Variants in PTPRT observed in about 807,000 individuals in gnomAD.
PTPRT encodes receptor-type tyrosine-protein phosphatase T.
A neutral mutation model predicts 176.8 loss-of-function variants in PTPRT; 56 were observed. That is an observed-to-expected ratio of 0.32 (90% confidence interval 0.26 to 0.40). The LOEUF (loss-of-function observed/expected upper bound fraction) is 0.40. Ranked by LOEUF, PTPRT falls within the 10% of genes least tolerant of loss-of-function variation. The probability of loss-of-function intolerance (pLI) is 1.00; values close to 1 mark genes in which losing one functional copy is unlikely to be tolerated. For missense variants in PTPRT, 1,540 were observed against 1,908.2 expected, an observed-to-expected ratio of 0.81 and a Z score of 3.60; for synonymous variants, 783 against 739.0, an observed-to-expected ratio of 1.06 and a Z score of -0.96.
intron 7 of PTPRT, among the ~76,000 whole-genome samples, chr20:42,513,222 G>A (rs925408270): frequency 2.0e-5 from 3 of 151,314 alleles, no homozygotes; most frequent in Non-Finnish European, 1.5e-5. Flanking sequence ...GTGTGTGTGT[G>A]TGTGTGTGTG....
chr20:42,962,431 T>C (rs140576573), intron 1 of PTPRT, among the ~76,000 whole-genome samples: 1 of 151,478 alleles, frequency 6.6e-6, no homozygotes, highest in Non-Finnish European at 1.5e-5. Context: ...GTTATAGGGA[T>C]GAAAAGAATA....
chr20:42,548,765 G>A (rs1285041662), intron 7 of PTPRT, among the ~76,000 whole-genome samples: 1 of 152,066 alleles, frequency 6.6e-6, no homozygotes, highest in Non-Finnish European at 1.5e-5. Flanking sequence ...AAATTTAATA[G>A]AAAACACAGG....
chr20:42,389,017 A>C (rs974555038), intron 9 of PTPRT, among the ~76,000 whole-genome samples: 1 of 151,920 alleles, frequency 6.6e-6, no homozygotes, highest in Admixed American at 6.6e-5. Context: ...TCAGCAAACT[A>C]TCGCAAGGAC....
intron 16 of PTPRT, among the ~76,000 whole-genome samples, chr20:42,194,938 T>G (rs1991145150): frequency 6.6e-6 from 1 of 151,952 alleles, no homozygotes; most frequent in Non-Finnish European, 1.5e-5. Flanking sequence ...TTCTCACTCA[T>G]AGGTGGAAAT....
intron 7 of PTPRT, among the ~76,000 whole-genome samples, chr20:42,567,585 G>A (rs538935896): frequency 6.6e-6 from 1 of 152,320 alleles, no homozygotes; most frequent in South Asian, 2.1e-4. Flanking sequence ...CCTTGAGTCA[G>A]AAGCCTTGTC....
At position 42,081,483 on chromosome 20, in the gene PTPRT, C is replaced by T. The variant is rs140697895; in HGVS notation, c.4272+399G>A. On this transcript the variant is annotated intron_variant, in intron 30 of 30. Transcript: ENST00000373187. The stretch of plus-strand genomic sequence containing the variant: ...CCACACACTCTCTTTATCACACTTT[C>T]CTCCATAGTACTCTCTACTATAAAT... 3.1e-3 allele frequency among the ~76,000 whole-genome samples: 475 copies of T among 152,326 alleles called. 5 individuals are homozygous for T. The highest frequency in any genetic ancestry group is 2.1e-3 in the Non-Finnish European group (144 of 68,034).
At chr20:42,792,517 T>A (rs1318499700) in intron 2 of PTPRT, among the ~76,000 whole-genome samples, 3 of 152,028 alleles carry the variant, frequency 2.0e-5, no homozygotes, top group African/African-American at 4.8e-5. Flanking sequence ...CTAGACAAAT[T>A]AAAGAGATGA....
At chr20:42,539,320 T>G (rs2072534795) in intron 7 of PTPRT, among the ~76,000 whole-genome samples, 1 of 152,044 alleles carries the variant, frequency 6.6e-6, no homozygotes, top group African/African-American at 2.4e-5. Context: ...TACCATGTGT[T>G]TCTGATCTTG....
chr20:42,064,049 A>G, the PTPRT span: 1 of 150,680 alleles, frequency 6.6e-6, no homozygotes, highest in Non-Finnish European at 1.5e-5. Context: ...TGATCAGGGG[A>G]TACTAGATAA....
chr20:42,974,935 C>G (rs932420625), intron 1 of PTPRT, among the ~76,000 whole-genome samples: 1 of 152,144 alleles, frequency 6.6e-6, no homozygotes, highest in African/African-American at 2.4e-5. Flanking sequence ...GCTGCATCAT[C>G]TCTATTTCCA....
intron 7 of PTPRT, among the ~76,000 whole-genome samples, chr20:42,589,718 G>C (rs151170645): frequency 5.9e-5 from 9 of 152,122 alleles, no homozygotes; most frequent in Non-Finnish European, 1.3e-4. Context: ...CTAGGCTCTG[G>C]GGGTAGGATG....
intron 13 of PTPRT, among the ~76,000 whole-genome samples, chr20:42,269,150 A>G (rs1170391361): frequency 2.6e-5 from 4 of 152,218 alleles, no homozygotes; most frequent in East Asian, 1.9e-4. Context: ...GTTCTCTGCC[A>G]TATCTCATCT....
intron 3 of PTPRT, among the ~76,000 whole-genome samples, chr20:42,785,374 C>T (rs2077273930): frequency 6.6e-6 from 1 of 152,186 alleles, no homozygotes; most frequent in Non-Finnish European, 1.5e-5. Context: ...AGCTCCGAAG[C>T]CCAGTAATTT....
At chr20:42,824,455 C>G (rs2077957163) in intron 2 of PTPRT, among the ~76,000 whole-genome samples, 1 of 151,834 alleles carries the variant, frequency 6.6e-6, no homozygotes, top group Non-Finnish European at 1.5e-5. Context: ...GAAAGAACAT[C>G]AATAGACCAT....
intron 1 of PTPRT, among the ~76,000 whole-genome samples, chr20:42,946,449 A>G (rs1348608206): frequency 6.6e-6 from 1 of 152,212 alleles, no homozygotes; most frequent in African/African-American, 2.4e-5. Context: ...CCCAAGAACT[A>G]ACCAACCCCA....
chr20:42,243,869 T>C (rs751608499), intron 14 of PTPRT, among the ~76,000 whole-genome samples: 3 of 152,324 alleles, frequency 2.0e-5, no homozygotes, highest in Non-Finnish European at 2.9e-5. Context: ...ATTAGGAATA[T>C]TAAAATCAGA....
intron 1 of PTPRT, among the ~76,000 whole-genome samples, chr20:43,041,127 C>T (rs1986588524): frequency 6.6e-6 from 1 of 152,262 alleles, no homozygotes; most frequent in South Asian, 2.1e-4. Context: ...AGACCGTCTC[C>T]AATCACTTAC....
At position 42,241,847 on chromosome 20, in the gene PTPRT, C is replaced by T. The variant is rs545957413; in HGVS notation, c.2313-5589G>A. ...GCTTTTTTCCCACCTCGATAAATCA[C>T]TCAAAATTATGCCACAGAATTTGGC... On this transcript the variant is annotated intron_variant, in intron 14 of 30. Coordinates refer to ENST00000373187, the MANE Select transcript of PTPRT (RefSeq NM_007050.6). 4.6e-5 allele frequency among the ~76,000 whole-genome samples: 7 copies of T among 152,162 alleles called. No homozygotes were observed. The East Asian group carries it at 9.7e-4, about 21-fold the overall frequency.
intron 26 of PTPRT, 68 bp from the exon 27 acceptor site, chr20:42,098,620 C>A: frequency 6.3e-7 from 1 of 1,590,574 alleles, no homozygotes; most frequent in Non-Finnish European, 8.6e-7. Flanking sequence ...GATGATGAGG[C>A]CTGGACTGAG....
Sources: gnomAD v4.1 joint callset for allele counts (sites outside exome capture counted in the v4.1 genomes callset) on GRCh38, gnomAD v4.1.1 for gene constraint, MANE v1.5 for transcripts, NCBI Gene and HGNC (gene_info 2026-07-23, HGNC 2026-07-21) for gene names.